Variants in ZNF207 observed in about 807,000 individuals in gnomAD.
ZNF207 encodes the protein BUB3-interacting and GLEBS motif-containing protein ZNF207.
A neutral mutation model predicts 60.2 loss-of-function variants in ZNF207; 24 were observed. That is an observed-to-expected ratio of 0.40 (90% CI 0.29 to 0.56). The LOEUF is 0.56. Among genes scored for constraint, ZNF207 ranks in the 20% least tolerant of loss-of-function variants. The probability of loss-of-function intolerance (pLI) is 0.49; values close to 1 mark genes in which losing one functional copy is unlikely to be tolerated. For synonymous variants in ZNF207, 236 were observed against 194.7 expected (o/e 1.21, Z -1.77); for missense variants, 452 against 636.6 (o/e 0.71, Z 3.12).
At chr17:32,355,733 C>G (rs1025479280) in intron 2 of ZNF207, among the ~76,000 whole-genome samples, 1 of 152,120 alleles carries the variant, frequency 6.6e-6, no homozygotes, top group East Asian at 1.9e-4. Context: ...AAGGAATCGT[C>G]TAAGGAGATG....
chr17:32,353,245 T>C (rs1052113465), intron 2 of ZNF207, among the ~76,000 whole-genome samples: 6 of 152,116 alleles, frequency 3.9e-5, no homozygotes, highest in Non-Finnish European at 8.8e-5. Context: ...GCATTGTAAT[T>C]TATATTTTTT....
In ZNF207 at chr17:32,375,119, A is replaced by G. The variant is rs1288369086; in HGVS notation, c.*5360A>G. 1 of 152,238 alleles carries G rather than the reference A, an allele frequency of 6.6e-6. No homozygotes were observed. Among genetic ancestry groups the G allele is most frequent in the South Asian group, 2.1e-4 (1 of 4,838 alleles). The allele number at this position is 152,238 out of a possible 1,614,324, so 9.4% of individuals were successfully genotyped here. A position where few individuals can be genotyped will look rare whatever the true frequency, so the allele number is the denominator to read the frequency against. ...TTAGCAAACCTGGAATTGTTTGTAT[A>G]TGGTTTTCATTCTTGGAAGCATAAA... On this transcript the variant is annotated 3_prime_UTR_variant, in exon 12 of 12. Coordinates refer to ENST00000394670, the MANE Select transcript of ZNF207 (RefSeq NM_001098507.2).
intron 2 of ZNF207, among the ~76,000 whole-genome samples, chr17:32,353,386 T>C (rs1344550194): frequency 6.6e-6 from 1 of 152,136 alleles, no homozygotes; most frequent in Non-Finnish European, 1.5e-5. Context: ...CATTGGAAAC[T>C]ACTATGGGTG....
At chr17:32,353,539 T>C (rs1035230648) in intron 2 of ZNF207, among the ~76,000 whole-genome samples, 2 of 152,072 alleles carry the variant, frequency 1.3e-5, no homozygotes, top group Non-Finnish European at 2.9e-5. Flanking sequence ...CCCAGCACTT[T>C]GGGAGGCCGA....
intron 2 of ZNF207, 102 bp from the exon 3 acceptor site, chr17:32,358,401 G>A (rs1187575287): frequency 5.2e-6 from 6 of 1,144,796 alleles, no homozygotes; most frequent in Non-Finnish European, 7.1e-6. Flanking sequence ...GGCTCTACAT[G>A]GCCTCACTAT....
intron 10 of ZNF207, 133 bp downstream of exon 10, chr17:32,368,147 C>T: frequency 7.8e-7 from 1 of 1,283,436 alleles, no homozygotes; most frequent in African/African-American, 1.5e-5. Context: ...GTGGTTTTTG[C>T]CATTCTGATT....
chr17:32,367,282 T>TATATATATATAA (rs1445385221), intron 9 of ZNF207, among the ~76,000 whole-genome samples: 3,073 of 82,704 alleles, frequency 0.037, 138 homozygotes, highest in Middle Eastern at 0.055. Context: ...TATATATATA[T>TATATATATATAA]ATAAAGAATA....
At chr17:32,359,189 C>G (rs1415544631) in intron 3 of ZNF207, among the ~76,000 whole-genome samples, 1 of 151,644 alleles carries the variant, frequency 6.6e-6, no homozygotes, top group African/African-American at 2.4e-5. Context: ...CTCGGCTTAC[C>G]ACAACCTCCG....
chr17:32,374,948 CGTGT>C lies in ZNF207; in HGVS notation c.*5192_*5195del, dbSNP rs1378318207. ...TTTATTTGGTGAGAAAAGTTGTGTG[CGTGT>C]GTTTGTTGTAGGGAATAATTAGGGA... On this transcript the variant is annotated 3_prime_UTR_variant, in exon 12 of 12. Coordinates refer to ENST00000394670, the MANE Select transcript of ZNF207 (RefSeq NM_001098507.2). 1 of 152,088 alleles carries C rather than the reference CGTGT, an allele frequency of 6.6e-6. No individual in the cohort carries two copies. The highest frequency in any genetic ancestry group is 2.1e-4 in the South Asian group (1 of 4,830). The allele number at this position is 152,088 out of a possible 1,614,324, so 9.4% of individuals were successfully genotyped here. A position where few individuals can be genotyped will look rare whatever the true frequency, so the allele number is the denominator to read the frequency against.
intron 2 of ZNF207, among the ~76,000 whole-genome samples, chr17:32,353,275 C>T (rs1011187525): frequency 1.3e-5 from 2 of 152,132 alleles, no homozygotes; most frequent in African/African-American, 4.8e-5. Flanking sequence ...TAAGTACCTT[C>T]ATGTCTCATT....
Position 32,381,333 on chromosome 17 carries a change from C to T in ZNF207, c.*11574C>T, listed in dbSNP as rs902840375. On this transcript the variant is annotated 3_prime_UTR_variant, in exon 12 of 12. Coordinates refer to ENST00000394670, the MANE Select transcript of ZNF207 (RefSeq NM_001098507.2). ...TAGTCCATGTGTATTATTAAATGGTCTAAAGAAAAATCATGACTGATCGCA... is the reference window on the plus strand; with the variant it reads ...TAGTCCATGTGTATTATTAAATGGTTTAAAGAAAAATCATGACTGATCGCA... The T allele has an allele frequency of 1.3e-5, 2 of 152,154 alleles. No homozygotes were observed. Among genetic ancestry groups the T allele is most frequent in the Non-Finnish European group, 2.9e-5 (2 of 68,018 alleles). 9.4% of individuals were successfully genotyped at this position (152,154 alleles called of 1,614,324 possible).
At chr17:32,357,760 C>T (rs772461425) in intron 2 of ZNF207, among the ~76,000 whole-genome samples, 26 of 151,914 alleles carry the variant, frequency 1.7e-4, no homozygotes, top group Non-Finnish European at 3.5e-4. Context: ...CTCAGCCTGT[C>T]GAGTGACTGG....
At chr17:32,350,868 G>A (rs1351398188) in intron 1 of ZNF207, 3 of 150,408 alleles carry the variant, frequency 2.0e-5, no homozygotes, top group Admixed American at 1.3e-4. Flanking sequence ...TTTCGGGGCG[G>A]GAGGAGAACT....
chr17:32,358,826 T>TG (rs1370251751), intron 3 of ZNF207, among the ~76,000 whole-genome samples, 185 bp downstream of exon 3: 1 of 151,994 alleles, frequency 6.6e-6, no homozygotes, highest in African/African-American at 2.4e-5. Context: ...GGTGGAGTCT[T>TG]GCTCTGTTGC....
At position 32,374,340 on chromosome 17, in the gene ZNF207, C is replaced by T. The variant is rs1373580160; in HGVS notation, c.*4581C>T. 1 of 151,466 alleles carries T rather than the reference C, an allele frequency of 6.6e-6. No individual in the cohort carries two copies. The highest frequency in any genetic ancestry group is 1.5e-5 in the Non-Finnish European group (1 of 68,154). 9.4% of individuals were successfully genotyped at this position (151,466 alleles called of 1,614,324 possible). A position where few individuals can be genotyped will look rare whatever the true frequency, so the allele number is the denominator to read the frequency against. ...TCAAGCGATTCTCCTGTCTCAGCCT[C>T]CCGAGTAGCTGGGACTACAGGTGCT... On this transcript the variant is annotated 3_prime_UTR_variant, in exon 12 of 12. Transcript: ENST00000394670.
chr17:32,350,400 A>G, intron 1 of ZNF207, 74 bp downstream of exon 1: 1 of 1,597,840 alleles, frequency 6.3e-7, no homozygotes, highest in South Asian at 1.1e-5. Flanking sequence ...GGAGGCCTGG[A>G]TTTGGCTTAC....
chr17:32,364,191 C>G (rs1021500532), intron 7 of ZNF207, among the ~76,000 whole-genome samples: 1 of 151,568 alleles, frequency 6.6e-6, no homozygotes, highest in South Asian at 2.1e-4. Flanking sequence ...CTATTTGGAA[C>G]CAAAATAACT....
intron 1 of ZNF207, chr17:32,351,178 T>G (rs969825023): frequency 1.2e-5 from 2 of 160,836 alleles, no homozygotes; most frequent in Non-Finnish European, 2.7e-5. Flanking sequence ...ATCTGAGTAG[T>G]GAGGTAAGAA....
At chr17:32,361,320 T>G in intron 5 of ZNF207, 148 bp from the exon 6 acceptor site, 1 of 607,240 alleles carries the variant, frequency 1.6e-6, no homozygotes, top group Non-Finnish European at 2.8e-6. Context: ...GATTTATTTG[T>G]CAAAGCATCA....
Sources: allele counts gnomAD v4.1 joint callset (sites outside exome capture counted in the v4.1 genomes callset), GRCh38; gene constraint gnomAD v4.1.1; transcripts MANE v1.5; gene names NCBI Gene and HGNC (gene_info 2026-07-23, HGNC 2026-07-21).